Variants in PTBP3 observed in about 807,000 individuals in gnomAD.
The protein encoded by PTBP3 is polypyrimidine tract-binding protein 3.
Under a neutral mutation model 58.7 loss-of-function variants are expected in PTBP3, and 20 were observed. The observed-to-expected ratio is 0.34, with a 90% confidence interval of 0.24 to 0.50. PTBP3 has a LOEUF of 0.50. Ranked by LOEUF, PTBP3 falls within the 20% of genes least tolerant of loss-of-function variation. The pLI, the probability that PTBP3 is intolerant of heterozygous loss-of-function variation, is 0.98. For missense variants in PTBP3, 509 were observed against 637.2 expected, an observed-to-expected ratio of 0.80 and a Z score of 2.17; for synonymous variants, 185 against 219.8, an observed-to-expected ratio of 0.84 and a Z score of 1.40.
At chr9:112,296,359 C>T (rs919224016) in intron 2 of PTBP3, among the ~76,000 whole-genome samples, 4 of 151,936 alleles carry the variant, frequency 2.6e-5, no homozygotes, top group Non-Finnish European at 5.9e-5. Context: ...TGCTTTAACG[C>T]TTTCATTTTT....
chr9:112,304,486 A>C (rs556368909), intron 1 of PTBP3, among the ~76,000 whole-genome samples: 1 of 152,240 alleles, frequency 6.6e-6, no homozygotes, highest in Non-Finnish European at 1.5e-5. Flanking sequence ...TGAATTTTAC[A>C]AAGTTATAAT....
chr9:112,272,610 C>T (rs901098866), intron 3 of PTBP3: 1 of 151,954 alleles, frequency 6.6e-6, no homozygotes, highest in African/African-American at 2.4e-5. Context: ...GATATGTTGC[C>T]TGGGCTGAAA....
intron 2 of PTBP3, among the ~76,000 whole-genome samples, chr9:112,285,846 CCT>C (rs1828090366): frequency 6.6e-6 from 1 of 152,128 alleles, no homozygotes. Flanking sequence ...CTTGCCAACC[CCT>C]GTTCTATACC....
intron 6 of PTBP3, 76 bp from the exon 7 acceptor site, chr9:112,251,179 G>C (rs1836100752): frequency 2.4e-6 from 3 of 1,236,178 alleles, no homozygotes; most frequent in East Asian, 2.7e-5. Context: ...CTTTGACAAA[G>C]AGTGGCAATC....
chr9:112,359,234 A>G, the PTBP3 span, among the ~76,000 whole-genome samples: 1 of 150,204 alleles, frequency 6.7e-6, no homozygotes, highest in African/African-American at 2.4e-5. Context: ...TGAGGTCAGG[A>G]GTTTGAGACC....
At chr9:112,300,325 C>T (rs372789297) in intron 1 of PTBP3, among the ~76,000 whole-genome samples, 7 of 152,320 alleles carry the variant, frequency 4.6e-5, no homozygotes, top group African/African-American at 9.6e-5. Context: ...TATTTGTACT[C>T]GTCAAACTGG....
At chr9:112,300,082 A>G (rs556227086) in intron 1 of PTBP3, among the ~76,000 whole-genome samples, 7 of 152,372 alleles carry the variant, frequency 4.6e-5, no homozygotes, top group Admixed American at 3.3e-4. Flanking sequence ...AATTAAAAAG[A>G]TGGACAATAT....
At chr9:112,376,438 G>C in the PTBP3 span, among the ~76,000 whole-genome samples, 2 of 151,556 alleles carry the variant, frequency 1.3e-5, no homozygotes, top group Admixed American at 6.6e-5. Context: ...ATTTTTAGTA[G>C]AGATGGGGTT....
intron 3 of PTBP3, among the ~76,000 whole-genome samples, chr9:112,273,592 G>T (rs922698497): frequency 1.3e-5 from 2 of 152,134 alleles, no homozygotes; most frequent in Non-Finnish European, 2.9e-5. Flanking sequence ...ATACAGAACC[G>T]AAAATTTCAT....
intron 2 of PTBP3, among the ~76,000 whole-genome samples, chr9:112,292,451 G>T (rs1211409360): frequency 6.6e-6 from 1 of 152,238 alleles, no homozygotes; most frequent in Non-Finnish European, 1.5e-5. Context: ...TTAAAAACAG[G>T]ATCTCAAAGA....
In PTBP3 at chr9:112,220,804, G is replaced by A. The variant is rs1834780700; in HGVS notation, c.*3047C>T. The stretch of plus-strand genomic sequence containing the variant: ...TAAATGTGTACTGCTATTTTTTAAA[G>A]TCCTGAATATATATACTTTGTGTAG... On this transcript the variant is annotated 3_prime_UTR_variant, in exon 14 of 14. Transcript: ENST00000374257. The A allele has an allele frequency of 1.0e-6, 1 of 977,722 alleles. No homozygotes were observed. Among genetic ancestry groups the A allele is most frequent in the Non-Finnish European group, 1.2e-6 (1 of 823,044 alleles). 60.6% of individuals were successfully genotyped at this position (977,722 alleles called of 1,614,324 possible).
the PTBP3 span, among the ~76,000 whole-genome samples, chr9:112,353,902 G>T: frequency 6.6e-6 from 1 of 151,946 alleles, no homozygotes; most frequent in South Asian, 2.1e-4. Flanking sequence ...AGGTTTTAGT[G>T]AGCCAAGATC....
chr9:112,365,858 A>G, the PTBP3 span, among the ~76,000 whole-genome samples: 1 of 152,200 alleles, frequency 6.6e-6, no homozygotes, highest in Non-Finnish European at 1.5e-5. Context: ...CTTGTTGATA[A>G]CTGGAGCAAA....
intron 6 of PTBP3, 84 bp downstream of exon 6, chr9:112,252,594 A>T: frequency 9.5e-7 from 1 of 1,051,144 alleles, no homozygotes; most frequent in Non-Finnish European, 1.4e-6. Context: ...CAATTTTTTT[A>T]AAAACACATG....
At chr9:112,365,629 G>A in the PTBP3 span, among the ~76,000 whole-genome samples, 49 of 152,284 alleles carry the variant, frequency 3.2e-4, no homozygotes, top group Non-Finnish European at 6.0e-4. Flanking sequence ...AGTACCAGTG[G>A]TGTGGGGTGC....
Position 112,221,583 on chromosome 9 carries a change from A to G in PTBP3, c.*2268T>C, listed in dbSNP as rs1834808813. The G allele has an allele frequency of 1.0e-6, 1 of 985,454 alleles. No homozygotes were observed. The highest frequency in any genetic ancestry group is 1.2e-6 in the Non-Finnish European group (1 of 829,890). 61.0% of individuals were successfully genotyped at this position (985,454 alleles called of 1,614,324 possible). A position where few individuals can be genotyped will look rare whatever the true frequency, so the allele number is the denominator to read the frequency against. On this transcript the variant is annotated 3_prime_UTR_variant, in exon 14 of 14. Coordinates refer to ENST00000374257, the MANE Select transcript of PTBP3 (RefSeq NM_001163788.4). Reference sequence around the variant, plus strand: ...AAGTTTTGGGAGATTTTGCAAAGAAATTTTTTTCCTCCTTCATATACCCCT... The same window carrying G: ...AAGTTTTGGGAGATTTTGCAAAGAAGTTTTTTTCCTCCTTCATATACCCCT...
chr9:112,370,209 C>T, the PTBP3 span, among the ~76,000 whole-genome samples: 1 of 152,144 alleles, frequency 6.6e-6, no homozygotes, highest in Non-Finnish European at 1.5e-5. Context: ...GTCACTGCTC[C>T]CACTTTTGAT....
In PTBP3 at chr9:112,232,120, G is replaced by T. The variant is rs771169412; in HGVS notation, c.999C>A (p.Leu333=). The change falls in exon 9 of 14, where the codon CTC becomes CTA. Residue 333 remains leucine, a synonymous_variant. Transcript: ENST00000374257. ...ASGIPGNSVL[L]VTNLNPDLIT... is the part of the protein sequence containing the mutation. ...TCACATCAGGATTGAGATTTGTGACGAGTAGAACAGAATTTCCTGGTATAC... is the reference window on the plus strand; with the variant it reads ...TCACATCAGGATTGAGATTTGTGACTAGTAGAACAGAATTTCCTGGTATAC... 16 of 1,612,060 alleles carry T rather than the reference G, an allele frequency of 9.9e-6. No individual in the cohort carries two copies. The highest frequency in any genetic ancestry group is 1.4e-5 in the Non-Finnish European group (16 of 1,179,396).
At chr9:112,293,702 T>G (rs1828545578) in intron 2 of PTBP3, among the ~76,000 whole-genome samples, 1 of 152,200 alleles carries the variant, frequency 6.6e-6, no homozygotes, top group Non-Finnish European at 1.5e-5. Context: ...TCACCCTTAG[T>G]GTGTAAGTCT....
Sources: gnomAD v4.1 joint callset for allele counts (sites outside exome capture counted in the v4.1 genomes callset) on GRCh38, gnomAD v4.1.1 for gene constraint, MANE v1.5 for transcripts, NCBI Gene and HGNC (gene_info 2026-07-23, HGNC 2026-07-21) for gene names.